The following CARMIL1 variants were observed in gnomAD, a reference collection of about 807,000 sequenced individuals.
CARMIL1 encodes F-actin-uncapping protein LRRC16A.
Under a neutral mutation model 177.1 loss-of-function variants are expected in CARMIL1, and 90 were observed. That is an observed-to-expected ratio of 0.51 (90% confidence interval 0.43 to 0.61). The LOEUF (loss-of-function observed/expected upper bound fraction) is 0.61, where lower values mean the gene tolerates loss of function less well. Ranked by LOEUF, CARMIL1 falls within the 20% of genes least tolerant of loss-of-function variation. The pLI is 0.00. For missense variants in CARMIL1, 1,380 were observed against 1,667.0 expected (o/e 0.83, Z 3.00); for synonymous variants, 577 against 606.2 (o/e 0.95, Z 0.71).
chr6:25,328,020 A>G (rs1561989504), intron 2 of CARMIL1, among the ~76,000 whole-genome samples: 2 of 152,228 alleles, frequency 1.3e-5, no homozygotes, highest in East Asian at 3.8e-4. Flanking sequence ...TGTTTGAACC[A>G]TTGAGCTGGG....
At chr6:25,420,768 T>G (rs531534774) in intron 3 of CARMIL1, among the ~76,000 whole-genome samples, 3 of 152,368 alleles carry the variant, frequency 2.0e-5, no homozygotes, top group African/African-American at 7.2e-5. Flanking sequence ...CATTACTTGG[T>G]GCAGAATTCG....
chr6:25,591,454 G>A (rs541764092), intron 31 of CARMIL1, among the ~76,000 whole-genome samples: 1 of 152,262 alleles, frequency 6.6e-6, no homozygotes, highest in East Asian at 1.9e-4. Flanking sequence ...CCAGGCTCAC[G>A]GCTGAGGTTT....
intron 5 of CARMIL1, among the ~76,000 whole-genome samples, chr6:25,449,193 A>C (rs1158011890): frequency 6.6e-6 from 1 of 152,096 alleles, no homozygotes; most frequent in African/African-American, 2.4e-5. Flanking sequence ...GGGTTATTCT[A>C]ATAACTTGAT....
At chr6:25,477,310 A>G (rs1216877154) in intron 11 of CARMIL1, among the ~76,000 whole-genome samples, 1 of 152,098 alleles carries the variant, frequency 6.6e-6, no homozygotes, top group Admixed American at 6.5e-5. Context: ...CTATGTACAG[A>G]GGACCAGGCC....
intron 12 of CARMIL1, among the ~76,000 whole-genome samples, chr6:25,486,564 A>C (rs1449725587): frequency 6.6e-6 from 1 of 152,204 alleles, no homozygotes; most frequent in African/African-American, 2.4e-5. Flanking sequence ...AAAATACATT[A>C]ATACTAATAT....
At position 25,426,571 on chromosome 6, in the gene CARMIL1, A is replaced by G; in HGVS notation, c.249+11A>G. 6.2e-7 allele frequency: 1 copy of G among 1,609,190 alleles called. No individual in the cohort carries two copies. The highest frequency in any genetic ancestry group is 8.5e-7 in the Non-Finnish European group (1 of 1,176,270). ...AGCAAGTCAGCTCAGGTGAGTGTGA[A>G]AAATGGATCACTGCAAGATCATGAT... On this transcript the variant is annotated intron_variant, in intron 4 of 36. Coordinates refer to ENST00000329474, the MANE Select transcript of CARMIL1 (RefSeq NM_017640.6).
chr6:25,373,415 GT>G (rs1790628705), intron 2 of CARMIL1, among the ~76,000 whole-genome samples: 5 of 125,916 alleles, frequency 4.0e-5, no homozygotes, highest in Non-Finnish European at 8.3e-5. Context: ...TTTTTGGTCT[GT>G]TCAGGATTTC....
At chr6:25,463,819 C>CTTTTTTTTTTTTTTT (rs68160209) in intron 8 of CARMIL1, among the ~76,000 whole-genome samples, 1 of 108,496 alleles carries the variant, frequency 9.2e-6, no homozygotes, top group Non-Finnish European at 1.8e-5. Flanking sequence ...AGTTGTTCTC[C>CTTTTTTTTTTTTTTT]TTTTTTTTTT....
chr6:25,394,112 A>G (rs1465670271), intron 2 of CARMIL1, among the ~76,000 whole-genome samples: 1 of 152,182 alleles, frequency 6.6e-6, no homozygotes, highest in Admixed American at 6.5e-5. Flanking sequence ...GCTTTATCAC[A>G]TATCTCTCCA....
intron 29 of CARMIL1, 48 bp downstream of exon 29, chr6:25,556,898 G>A: frequency 6.7e-7 from 1 of 1,488,776 alleles, no homozygotes; most frequent in Non-Finnish European, 9.0e-7. Flanking sequence ...ACTGGACTGT[G>A]CCATTGTTTT....
At chr6:25,385,599 T>A (rs970493572) in intron 2 of CARMIL1, among the ~76,000 whole-genome samples, 6 of 152,246 alleles carry the variant, frequency 3.9e-5, no homozygotes, top group East Asian at 3.8e-4. Context: ...AGTAGCTTTT[T>A]TGGGATAAAT....
At chr6:25,587,517 T>G (rs1401604084) in intron 31 of CARMIL1, among the ~76,000 whole-genome samples, 1 of 152,196 alleles carries the variant, frequency 6.6e-6, no homozygotes, top group East Asian at 1.9e-4. Flanking sequence ...ATGCCATCCT[T>G]TACTTAAAAA....
chr6:25,401,465 A>G (rs1309949420), intron 2 of CARMIL1, among the ~76,000 whole-genome samples: 2 of 152,216 alleles, frequency 1.3e-5, no homozygotes, highest in African/African-American at 4.8e-5. Context: ...CTTGCTTGTA[A>G]AGTGAATAAA....
intron 2 of CARMIL1, among the ~76,000 whole-genome samples, chr6:25,364,922 C>CGA (rs1404418522): frequency 6.6e-6 from 1 of 152,074 alleles, no homozygotes; most frequent in Admixed American, 6.6e-5. Flanking sequence ...GACCAGGAAG[C>CGA]GAGGAGGGGC....
At position 25,317,562 on chromosome 6, in the gene CARMIL1, C is replaced by CTTTTTTT. The variant is rs33992407; in HGVS notation, c.138+32665_138+32671dup. ...GTTGGAAGCTTTCCTTTACTTAGGACTTTTTTTTTTTTTTTTTTAATAGAG... is the reference window on the plus strand; with the variant it reads ...GTTGGAAGCTTTCCTTTACTTAGGACTTTTTTTTTTTTTTTTTTTTTTTTTAATAGAG... On this transcript the variant is annotated intron_variant, in intron 2 of 36. Coordinates refer to ENST00000329474, the MANE Select transcript of CARMIL1 (RefSeq NM_017640.6). Among the ~76,000 whole-genome samples, 116 of 107,124 alleles carry CTTTTTTT rather than the reference C, an allele frequency of 1.1e-3. 2 individuals carry two copies. The highest frequency in any genetic ancestry group is 3.2e-3 in the African/African-American group (81 of 25,370). The allele number at this position is 107,124 out of a possible 152,430, so 70.3% of individuals were successfully genotyped here. A position where few individuals can be genotyped will look rare whatever the true frequency, so the allele number is the denominator to read the frequency against.
At chr6:25,458,120 C>G (rs553646137) in intron 8 of CARMIL1, among the ~76,000 whole-genome samples, 6 of 152,082 alleles carry the variant, frequency 3.9e-5, no homozygotes, top group Admixed American at 2.0e-4. Flanking sequence ...ACTAGGTAAT[C>G]TAGGTTTAAT....
intron 2 of CARMIL1, among the ~76,000 whole-genome samples, chr6:25,320,340 T>C (rs546736171): frequency 6.6e-6 from 1 of 152,330 alleles, no homozygotes; most frequent in Admixed American, 6.5e-5. Flanking sequence ...TGTTTGAGGA[T>C]TGTATTTCCC....
intron 2 of CARMIL1, among the ~76,000 whole-genome samples, chr6:25,294,467 T>C: frequency 6.6e-6 from 1 of 152,222 alleles, no homozygotes; most frequent in East Asian, 1.9e-4. Context: ...AAGTTTCTTC[T>C]GTAGCACCTC....
At chr6:25,609,431 A>C (rs938961988) in intron 35 of CARMIL1, among the ~76,000 whole-genome samples, 3 of 149,710 alleles carry the variant, frequency 2.0e-5, no homozygotes, top group Non-Finnish European at 4.4e-5. Flanking sequence ...GCACCACTGC[A>C]CTCCAGCCTG....
Sources: allele counts gnomAD v4.1 joint callset (sites outside exome capture counted in the v4.1 genomes callset), GRCh38; gene constraint gnomAD v4.1.1; transcripts MANE v1.5; gene names NCBI Gene and HGNC (gene_info 2026-07-23, HGNC 2026-07-21).